SEMA7A: variants seen among roughly 807,000 people sequenced by gnomAD.
The protein encoded by SEMA7A is semaphorin-7A.
SEMA7A carries 21 observed loss-of-function variants against 67.5 expected under a neutral mutation model. The ratio of observed to expected loss-of-function variants is 0.31; its 90% CI spans 0.22 to 0.45. The LOEUF (loss-of-function observed/expected upper bound fraction) is 0.45, where lower values mean the gene tolerates loss of function less well. Ranked by LOEUF, SEMA7A falls within the 20% of genes least tolerant of loss-of-function variation. The pLI is 1.00. For synonymous variants in SEMA7A, 364 were observed against 368.5 expected, an observed-to-expected ratio of 0.99 and a Z score of 0.14; for missense variants, 774 against 908.6, an observed-to-expected ratio of 0.85 and a Z score of 1.90.
intron 3 of SEMA7A, 90 bp downstream of exon 3, chr15:74,418,178 G>A: frequency 1.5e-6 from 2 of 1,363,642 alleles, no homozygotes; most frequent in African/African-American, 1.4e-5. Flanking sequence ...GACTCGTGGG[G>A]CAGGGCCATG....
rs150559756 is a variant in SEMA7A, at chr15:74,431,709, G to T, written c.178+2032C>A. Among the ~76,000 whole-genome samples the T allele has an allele frequency of 9.7e-3, 1,471 of 152,348 alleles. 14 individuals are homozygous for T. The highest frequency in any genetic ancestry group is 0.02 in the Middle Eastern group (6 of 294). On this transcript the variant is annotated intron_variant, in intron 1 of 13. Coordinates refer to ENST00000261918, the MANE Select transcript of SEMA7A (RefSeq NM_003612.5). ...CCGATTGCCATGTGTCACCCCACAG[G>T]AGACAGGAGGCAGCTGTCAGTCGGG...
At chr15:74,429,786 G>A (rs2061072237) in intron 1 of SEMA7A, among the ~76,000 whole-genome samples, 1 of 151,924 alleles carries the variant, frequency 6.6e-6, no homozygotes, top group Non-Finnish European at 1.5e-5. Flanking sequence ...TTCACATGGG[G>A]GCCCCTCACA....
In SEMA7A at chr15:74,411,650, C is replaced by A. The variant is rs765276002; in HGVS notation, c.1483G>T (p.Val495Phe). 32 of 1,613,422 alleles carry A rather than the reference C, an allele frequency of 2.0e-5. No homozygotes were observed. Among genetic ancestry groups the A allele is most frequent in the Non-Finnish European group, 2.6e-5 (31 of 1,179,914 alleles). The change falls in exon 12 of 14, where the codon GTC becomes TTC. Residue 495 changes from valine (V) to phenylalanine (F), a missense_variant. Around this residue, in one of 2 missense-constraint regions of SEMA7A, gnomAD observed 427 missense variants for 555.4 expected, o/e 0.77. Transcript: ENST00000261918. This position sits in a 1 kb window ranked among gnomAD's most constrained non-coding sequence, Gnocchi z 4.4. Reference sequence around the variant, plus strand: ...CAACCGTGGCAGCCCCCGCCATAGACCTCACACAGGTCCAGGGGCACCTGG... The same window carrying A: ...CAACCGTGGCAGCCCCCGCCATAGAACTCACACAGGTCCAGGGGCACCTGG... Reference protein sequence around the residue: ...VSQVPLDLCEVYGGGCHGCLM... With the variant: ...VSQVPLDLCEFYGGGCHGCLM...
intron 2 of SEMA7A, 99 bp from the exon 3 acceptor site, chr15:74,418,408 CATT>C: frequency 1.7e-6 from 2 of 1,183,894 alleles, no homozygotes; most frequent in Admixed American, 2.2e-5. Flanking sequence ...AGGAAGCAAC[CATT>C]ATTCTCATCT....
At chr15:74,413,987 G>C (rs1224917770) in intron 10 of SEMA7A, among the ~76,000 whole-genome samples, 2 of 152,172 alleles carry the variant, frequency 1.3e-5, no homozygotes, top group East Asian at 1.9e-4. Context: ...ATTCCACCCA[G>C]CTTCCCCCAG....
rs974227807 is a variant in SEMA7A at position 74,414,285 on chromosome 15, T to A, written c.1294+262A>T. On this transcript the variant is annotated intron_variant, in intron 10 of 13. Coordinates refer to ENST00000261918, the MANE Select transcript of SEMA7A (RefSeq NM_003612.5). This position sits in a 1 kb window ranked among gnomAD's most constrained non-coding sequence, Gnocchi z 4.1. ...TCTGGACCAAAGGTGCACCTGGCTT[T>A]GCTCAGACTCTCCAGATTTCCGCCT... Among the ~76,000 whole-genome samples, 3 of 152,196 alleles carry A rather than the reference T, an allele frequency of 2.0e-5. No homozygotes were observed. The highest frequency in any genetic ancestry group is 7.2e-5 in the African/African-American group (3 of 41,442).
chr15:74,410,922 A>G lies in SEMA7A; in HGVS notation c.1703T>C (p.Met568Thr). ...PNSRYYLSCP[M>T]ESRHATYSWR... The stretch of plus-strand genomic sequence containing the variant: ...TGAGTAGGTGGCGTGGCGGGATTCC[A>G]TGGGGCAGCTCAGGTAGTAGCGAGA... Residue 568 changes from methionine (M) to threonine (T), a missense_variant, in exon 14 of 14, where the codon ATG (methionine) becomes ACG (threonine). Met to Thr is a moderately conservative substitution (Grantham distance 81). Transcript: ENST00000261918. This position sits in a 1 kb window ranked among gnomAD's most constrained non-coding sequence, Gnocchi z 7.5. The G allele has an allele frequency of 6.2e-7, 1 of 1,614,058 alleles. No individual in the cohort carries two copies. The highest frequency in any genetic ancestry group is 8.5e-7 in the Non-Finnish European group (1 of 1,180,006).
chr15:74,412,131 T>C (rs966941143), intron 10 of SEMA7A, 119 bp from the exon 11 acceptor site: 14 of 1,252,242 alleles, frequency 1.1e-5, no homozygotes, highest in Non-Finnish European at 1.6e-5. Flanking sequence ...AGGACTGGTG[T>C]GGGCAGGGCG....
rs2060896611 is a variant in SEMA7A, at chr15:74,411,188, C to G, written c.1639+107G>C. 7.3e-7 allele frequency: 1 copy of G among 1,379,240 alleles called. No homozygotes were observed. Among genetic ancestry groups the G allele is most frequent in the African/African-American group, 1.4e-5 (1 of 69,256 alleles). The allele number at this position is 1,379,240 out of a possible 1,614,324, so 85.4% of individuals were successfully genotyped here. On this transcript the variant is annotated intron_variant, in intron 13 of 13. Transcript: ENST00000261918. This position sits in a 1 kb window ranked among gnomAD's most constrained non-coding sequence, Gnocchi z 4.4. ...GCAGGACTGTATCCTGCCCCATGTA[C>G]CTGGGGCCCACAGGACAAGGCCATG...
At position 74,417,376 on chromosome 15, in the gene SEMA7A, C is replaced by G; in HGVS notation, c.620G>C (p.Arg207Pro). Residue 207 changes from arginine (R) to proline (P), a missense_variant, in exon 6 of 14, where the codon CGG (arginine) becomes CCG (proline). Arg to Pro is a moderately radical substitution (Grantham distance 103, BLOSUM62 -2). Transcript: ENST00000261918. The part of the protein sequence containing the change: ...NGKIPRFRRI[R>P]GESELYTSDT... ...ACTGGTGTACAGCTCACTCTCGCCC[C>G]GGATGCGGCGGAACCGAGGGATCTT... The G allele has an allele frequency of 1.9e-6, 3 of 1,614,036 alleles. No individual in the cohort carries two copies. The highest frequency in any genetic ancestry group is 2.5e-6 in the Non-Finnish European group (3 of 1,180,010).
At chr15:74,432,056 A>ATGCATTAAGTGCTAAGAAGTGGGTG in intron 1 of SEMA7A, among the ~76,000 whole-genome samples, 1 of 118,708 alleles carries the variant, frequency 8.4e-6, no homozygotes, top group South Asian at 3.1e-4. Context: ...GATGGGATGT[A>ATGCATTAAGTGCTAAGAAGTGGGTG]TGCATTAAGT....
Position 74,414,439 on chromosome 15 carries a change from T to G in SEMA7A, c.1294+108A>C. ...CCCCTGACAACTCCAGTCACTCAAT[T>G]ATTCCTTCCACATGTAAAGATCCAA... On this transcript the variant is annotated intron_variant, in intron 10 of 13. Transcript: ENST00000261918. The surrounding 1 kb of genome is among the most constrained non-coding windows in gnomAD (Gnocchi z 4.1). 1 of 1,156,258 alleles carries G rather than the reference T, an allele frequency of 8.6e-7. No individual in the cohort carries two copies. Among genetic ancestry groups the G allele is most frequent in the Non-Finnish European group, 1.3e-6 (1 of 786,564 alleles). 71.6% of individuals were successfully genotyped at this position (1,156,258 alleles called of 1,614,324 possible).
chr15:74,426,003 T>C (rs918008006), intron 1 of SEMA7A, among the ~76,000 whole-genome samples: 1 of 152,204 alleles, frequency 6.6e-6, no homozygotes, highest in Non-Finnish European at 1.5e-5. Context: ...CCAGGCACAG[T>C]GGGTCATGCC....
chr15:74,412,116 G>T, intron 10 of SEMA7A, 104 bp from the exon 11 acceptor site: 1 of 1,406,868 alleles, frequency 7.1e-7, no homozygotes, highest in Non-Finnish European at 9.8e-7. Context: ...TCAGGCAAGG[G>T]TCACAGGACT....
rs1478961865 is a variant in SEMA7A, at chr15:74,418,897, A to C, written c.234T>G (p.Leu78=). ...CAGAGGAGCTGCCTGGCTCGTGGAA[A>C]AGCACCGTGTGCGGCTCAGTCTGGC... ...DFGQTEPHTV[L]FHEPGSSSVW... is the part of the protein sequence containing the mutation. Residue 78 remains leucine, a synonymous_variant, in exon 2 of 14, where the codon CTT becomes CTG. Coordinates refer to ENST00000261918, the MANE Select transcript of SEMA7A (RefSeq NM_003612.5). 1 of 1,613,854 alleles carries C rather than the reference A, an allele frequency of 6.2e-7. No homozygotes were observed. Among genetic ancestry groups the C allele is most frequent in the African/African-American group, 1.3e-5 (1 of 75,044 alleles).
At chr15:74,429,564 G>T (rs2017998) in intron 1 of SEMA7A, among the ~76,000 whole-genome samples, 1 of 152,060 alleles carries the variant, frequency 6.6e-6, no homozygotes, top group Non-Finnish European at 1.5e-5. Context: ...TGGACCCAGA[G>T]CCAGCCTCCC....
At chr15:74,429,278 G>A (rs2061068099) in intron 1 of SEMA7A, among the ~76,000 whole-genome samples, 1 of 152,148 alleles carries the variant, frequency 6.6e-6, no homozygotes, top group African/African-American at 2.4e-5. Context: ...TCCAGCTACT[G>A]CCCCCTGAGG....
intron 10 of SEMA7A, among the ~76,000 whole-genome samples, chr15:74,412,478 T>TGG (rs2060910286): frequency 6.6e-6 from 1 of 152,250 alleles, no homozygotes; most frequent in African/African-American, 2.4e-5. Context: ...AACCCAAATC[T>TGG]GTCAGAGCCC....
At position 74,414,854 on chromosome 15, in the gene SEMA7A, T is replaced by C. The variant is rs770568674; in HGVS notation, c.1079A>G (p.Asn360Ser). 3 of 1,614,046 alleles carry C rather than the reference T, an allele frequency of 1.9e-6. No homozygotes were observed. Among genetic ancestry groups the C allele is most frequent in the Non-Finnish European group, 1.7e-6 (2 of 1,179,988 alleles). ...SLKGYHSSLP[N>S]PRPGKCLPDQ... ...CACGCTCACCTTGCCAGGCCGCGGG[T>C]TGGGAAGGCTTGAGTGGTAGCCCTT... Residue 360 changes from asparagine to serine, a missense_variant, in exon 9 of 14, where the codon AAC (asparagine) becomes AGC (serine). Around this residue, in one of 2 missense-constraint regions of SEMA7A, gnomAD observed 427 missense variants for 555.4 expected, o/e 0.77. Transcript: ENST00000261918. This position sits in a 1 kb window ranked among gnomAD's most constrained non-coding sequence, Gnocchi z 4.1.
Sources: allele counts gnomAD v4.1 joint callset (sites outside exome capture counted in the v4.1 genomes callset), GRCh38; gene constraint gnomAD v4.1.1; regional missense constraint gnomAD v4.1.1; non-coding constraint Gnocchi (gnomAD v3.1); transcripts MANE v1.5; gene names NCBI Gene and HGNC (gene_info 2026-07-23, HGNC 2026-07-21).